Variants in FHIP1A observed in about 807,000 individuals in gnomAD.
FHIP1A encodes the protein FHF complex subunit HOOK interacting protein 1A, also known as FHF complex subunit HOOK-interacting protein 1A.
Under a neutral mutation model 88.6 loss-of-function variants are expected in FHIP1A, and 61 were observed. The ratio of observed to expected loss-of-function variants is 0.69; its 90% CI spans 0.56 to 0.85. FHIP1A has a LOEUF of 0.85. Among genes scored for constraint, FHIP1A ranks in the 40% least tolerant of loss-of-function variants. The pLI, the probability that FHIP1A is intolerant of heterozygous loss-of-function variation, is 0.00. For synonymous variants in FHIP1A, 478 were observed against 496.0 expected (o/e 0.96, Z 0.48); for missense variants, 1,154 against 1,273.5 (o/e 0.91, Z 1.43).
chr4:151,647,709 T>C (rs1736851280), intron 10 of FHIP1A, among the ~76,000 whole-genome samples: 1 of 152,244 alleles, frequency 6.6e-6, no homozygotes, highest in African/African-American at 2.4e-5. Context: ...TTAGTATGGA[T>C]ATCTTATATT....
At chr4:151,558,556 C>CA (rs1339643870) in intron 3 of FHIP1A, among the ~76,000 whole-genome samples, 3 of 147,952 alleles carry the variant, frequency 2.0e-5, no homozygotes, top group African/African-American at 5.0e-5. Context: ...CAAAACAAAA[C>CA]AAACAAACAG....
chr4:151,469,946 A>G (rs1729452863), intron 2 of FHIP1A, among the ~76,000 whole-genome samples: 1 of 152,226 alleles, frequency 6.6e-6, no homozygotes, highest in African/African-American at 2.4e-5. Flanking sequence ...TACATTACAC[A>G]GCCTTAAAAT....
Position 151,664,820 on chromosome 4 carries a change from A to G in FHIP1A, c.*2066A>G, listed in dbSNP as rs1267519529. ...TCTTTAGCTTTGTAGTTTGATTTAC[A>G]CCTTTCTCCATTATCTGGTGGTGGT... On this transcript the variant is annotated 3_prime_UTR_variant, in exon 14 of 14. Transcript: ENST00000435205. 6.6e-6 allele frequency among the ~76,000 whole-genome samples: 1 copy of G among 152,080 alleles called. No individual in the cohort carries two copies. Among genetic ancestry groups the G allele is most frequent in the Non-Finnish European group, 1.5e-5 (1 of 68,024 alleles).
chr4:151,656,185 A>G lies in FHIP1A; in HGVS notation c.2552-47A>G, dbSNP rs1737225606. Reference sequence around the variant, plus strand: ...GGTTCTGCAATTGTCAGGGAAAGGCATCCCTGTGAGCCCAGCCAGCCCTGA... The same window carrying G: ...GGTTCTGCAATTGTCAGGGAAAGGCGTCCCTGTGAGCCCAGCCAGCCCTGA... On this transcript the variant is annotated intron_variant, in intron 11 of 13. Coordinates refer to ENST00000435205, the MANE Select transcript of FHIP1A (RefSeq NM_001109977.3). This position sits in a 1 kb window ranked among gnomAD's most constrained non-coding sequence, Gnocchi z 4.2. 4.8e-6 allele frequency: 7 copies of G among 1,465,932 alleles called. No homozygotes were observed. The highest frequency in any genetic ancestry group is 6.5e-6 in the Non-Finnish European group (7 of 1,072,486). 90.8% of individuals were successfully genotyped at this position (1,465,932 alleles called of 1,614,324 possible).
chr4:151,667,634 G>A lies in FHIP1A; in HGVS notation c.*4880G>A, dbSNP rs1560834051. Among the ~76,000 whole-genome samples, 1 of 152,142 alleles carries A rather than the reference G, an allele frequency of 6.6e-6. No individual in the cohort carries two copies. The highest frequency in any genetic ancestry group is 1.5e-5 in the Non-Finnish European group (1 of 68,020). Reference sequence around the variant, plus strand: ...AAAGAATGACCAGGAGAAGGTGGGTGGAAGCCTTCAGTTCTTTGACCTCTT... The same window carrying A: ...AAAGAATGACCAGGAGAAGGTGGGTAGAAGCCTTCAGTTCTTTGACCTCTT... On this transcript the variant is annotated 3_prime_UTR_variant, in exon 14 of 14. Coordinates refer to ENST00000435205, the MANE Select transcript of FHIP1A (RefSeq NM_001109977.3).
chr4:151,623,518 G>A (rs1735827194), intron 7 of FHIP1A, among the ~76,000 whole-genome samples: 1 of 123,702 alleles, frequency 8.1e-6, no homozygotes, highest in East Asian at 2.2e-4. Flanking sequence ...TGACTTCCTG[G>A]TCCTTTTTTT....
intron 1 of FHIP1A, among the ~76,000 whole-genome samples, chr4:151,415,958 A>G (rs1460355292): frequency 1.4e-5 from 2 of 144,600 alleles, no homozygotes; most frequent in Non-Finnish European, 3.0e-5. Flanking sequence ...TTTTTTTTTT[A>G]ACATTTTCCT....
At chr4:151,573,271 A>AACACACAC (rs140733704) in intron 4 of FHIP1A, among the ~76,000 whole-genome samples, 3 of 147,208 alleles carry the variant, frequency 2.0e-5, no homozygotes, top group African/African-American at 5.1e-5. Context: ...GATGCATCCA[A>AACACACAC]ACACACACAC....
intron 2 of FHIP1A, among the ~76,000 whole-genome samples, chr4:151,480,734 A>G (rs1729865521): frequency 6.6e-6 from 1 of 151,968 alleles, no homozygotes; most frequent in Admixed American, 6.6e-5. Flanking sequence ...TTTGCATGCA[A>G]AACGTTATCC....
chr4:151,608,741 C>T (rs915673496), intron 7 of FHIP1A, among the ~76,000 whole-genome samples: 2 of 152,170 alleles, frequency 1.3e-5, no homozygotes, highest in African/African-American at 2.4e-5. Flanking sequence ...TGGTAATCCC[C>T]ACCTTGTCAG....
intron 5 of FHIP1A, among the ~76,000 whole-genome samples, chr4:151,583,801 C>A (rs1734110720): frequency 6.6e-6 from 1 of 152,098 alleles, no homozygotes; most frequent in Non-Finnish European, 1.5e-5. Flanking sequence ...TTCTCTTTTG[C>A]CAGAGGTTTC....
intron 3 of FHIP1A, among the ~76,000 whole-genome samples, chr4:151,541,236 C>A (rs1398525630): frequency 6.6e-6 from 1 of 152,114 alleles, no homozygotes; most frequent in Non-Finnish European, 1.5e-5. Flanking sequence ...AACTGGTTTG[C>A]CAGTCTCAAC....
intron 3 of FHIP1A, among the ~76,000 whole-genome samples, chr4:151,546,363 A>G (rs965218694): frequency 7.9e-5 from 12 of 152,228 alleles, no homozygotes; most frequent in African/African-American, 2.4e-4. Context: ...GAGCCACACT[A>G]CCGGCATCCA....
chr4:151,605,766 C>T (rs553205869), intron 7 of FHIP1A, among the ~76,000 whole-genome samples: 226 of 152,252 alleles, frequency 1.5e-3, no homozygotes, highest in Non-Finnish European at 2.7e-3. Context: ...GGCTTATTGA[C>T]TTAGGTTGAT....
chr4:151,605,317 C>T (rs1735030011), intron 7 of FHIP1A, among the ~76,000 whole-genome samples: 1 of 152,092 alleles, frequency 6.6e-6, no homozygotes, highest in South Asian at 2.1e-4. Context: ...GGGACTATCT[C>T]TGGTGGATAG....
chr4:151,588,634 G>A (rs935441635), intron 6 of FHIP1A, among the ~76,000 whole-genome samples: 2 of 152,142 alleles, frequency 1.3e-5, no homozygotes, highest in African/African-American at 2.4e-5. Context: ...CAACTTCTGC[G>A]GATTTTAACC....
intron 2 of FHIP1A, among the ~76,000 whole-genome samples, chr4:151,476,955 G>A (rs575690977): frequency 3.9e-5 from 6 of 152,074 alleles, no homozygotes; most frequent in Admixed American, 1.3e-4. Context: ...ATGTGAAGGC[G>A]TTTAAAAATG....
intron 1 of FHIP1A, among the ~76,000 whole-genome samples, chr4:151,412,617 TCCCTCCCTCCCTCCCTCCCTC>T (rs1732704257): frequency 8.6e-6 from 1 of 116,200 alleles, no homozygotes; most frequent in Admixed American, 9.0e-5. Context: ...CCTTCCTCCC[TCCCTCCCTCCCTCCCTCCCTC>T]CCTCCCTGCC....
At chr4:151,410,968 G>A (rs2709826) in intron 1 of FHIP1A, among the ~76,000 whole-genome samples, 1 of 152,030 alleles carries the variant, frequency 6.6e-6, no homozygotes, top group Non-Finnish European at 1.5e-5. Flanking sequence ...CTGGAAAGGG[G>A]CAGAGAAACT....
Sources: allele counts gnomAD v4.1 joint callset (sites outside exome capture counted in the v4.1 genomes callset), GRCh38; gene constraint gnomAD v4.1.1; non-coding constraint Gnocchi (gnomAD v3.1); transcripts MANE v1.5; gene names NCBI Gene and HGNC (gene_info 2026-07-23, HGNC 2026-07-21).